Variants in GRM8 observed in about 807,000 individuals in gnomAD.
GRM8 encodes the protein metabotropic glutamate receptor 8.
A neutral mutation model predicts 87.2 loss-of-function variants in GRM8; 47 were observed. The observed-to-expected ratio is 0.54, with a 90% CI of 0.43 to 0.69. The LOEUF (loss-of-function observed/expected upper bound fraction) is 0.69. Ranked by LOEUF, GRM8 falls within the 30% of genes least tolerant of loss-of-function variation. GRM8 has a pLI of 0.00. For missense variants in GRM8, 1,019 were observed against 1,139.2 expected (o/e 0.89, Z 1.52); for synonymous variants, 396 against 404.5 (o/e 0.98, Z 0.25).
At chr7:126,897,323 C>T (rs192226934) in intron 6 of GRM8, among the ~76,000 whole-genome samples, 30 of 152,186 alleles carry the variant, frequency 2.0e-4, no homozygotes, top group Middle Eastern at 3.4e-3. Flanking sequence ...TGAAGAAAGA[C>T]TCTACTGCCA....
chr7:127,091,661 A>C (rs1586974122), intron 3 of GRM8, among the ~76,000 whole-genome samples: 1 of 37,060 alleles, frequency 2.7e-5, no homozygotes, highest in Admixed American at 3.7e-4. Flanking sequence ...CCACCCCACC[A>C]TCCCACTGAT....
rs552969033 is a variant in GRM8, at chr7:127,132,013, G to A, written c.511-25301C>T. On this transcript the variant is annotated intron_variant, in intron 2 of 10. Transcript: ENST00000339582. ...AAAACATGTCATTTATTTTGAATTC[G>A]GCAGTCTTAAGGAAAAAAATAATAA... Among the ~76,000 whole-genome samples, 29 of 151,972 alleles carry A rather than the reference G, an allele frequency of 1.9e-4. No homozygotes were observed. In the South Asian group the frequency reaches 4.2e-3, roughly 22 times the overall value.
At chr7:127,149,396 T>A (rs563543957) in intron 2 of GRM8, among the ~76,000 whole-genome samples, 1 of 152,070 alleles carries the variant, frequency 6.6e-6, no homozygotes, top group South Asian at 2.1e-4. Context: ...ATGGTTATTA[T>A]CAAAAAGTCA....
At position 127,133,777 on chromosome 7, in the gene GRM8, G is replaced by GTT. The variant is rs201137308; in HGVS notation, c.511-27067_511-27066dup. ...ACTGGCATTTTTTCACCCTTCTTGG[G>GTT]TTTTTTTCTTTCTTAATTCTCTATA... On this transcript the variant is annotated intron_variant, in intron 2 of 10. Transcript: ENST00000339582. Among the ~76,000 whole-genome samples the GTT allele has an allele frequency of 4.4e-3, 665 of 151,492 alleles. 10 individuals carry two copies. The highest frequency in any genetic ancestry group is 0.015 in the African/African-American group (631 of 41,344).
intron 6 of GRM8, among the ~76,000 whole-genome samples, chr7:126,779,877 G>C (rs570113911): frequency 6.6e-6 from 1 of 152,236 alleles, no homozygotes; most frequent in African/African-American, 2.4e-5. Flanking sequence ...TTTGAGACCA[G>C]ATTAAGATTT....
Position 126,719,900 on chromosome 7 carries a change from T to C in GRM8, c.1357+49965A>G, listed in dbSNP as rs573716193. On this transcript the variant is annotated intron_variant, in intron 7 of 10. Transcript: ENST00000339582. ...GGTATTTACTGATTTCTATAGCAAG[T>C]TCTATATTTTTTCTTTTCCCTTACT... 8.6e-5 allele frequency among the ~76,000 whole-genome samples: 13 copies of C among 151,818 alleles called. No individual in the cohort carries two copies. The Middle Eastern group carries it at 0.01, about 119-fold the overall frequency.
intron 6 of GRM8, among the ~76,000 whole-genome samples, chr7:126,820,996 G>A (rs1365026769): frequency 6.6e-6 from 1 of 152,206 alleles, no homozygotes; most frequent in African/African-American, 2.4e-5. Flanking sequence ...AACTACCTCA[G>A]GAGGCTGAGG....
chr7:126,888,587 C>T (rs1800711410), intron 6 of GRM8, among the ~76,000 whole-genome samples: 1 of 151,952 alleles, frequency 6.6e-6, no homozygotes, highest in Non-Finnish European at 1.5e-5. Context: ...ATTCTTGAGC[C>T]CCTTTTCAGT....
At chr7:127,034,381 T>C (rs117150995) in intron 3 of GRM8, among the ~76,000 whole-genome samples, 1 of 152,256 alleles carries the variant, frequency 6.6e-6, no homozygotes, top group Non-Finnish European at 1.5e-5. Flanking sequence ...ATCAAATGAC[T>C]ACAGACAGTA....
intron 3 of GRM8, among the ~76,000 whole-genome samples, chr7:127,025,392 T>C (rs1816683117): frequency 6.6e-6 from 1 of 152,044 alleles, no homozygotes; most frequent in South Asian, 2.1e-4. Flanking sequence ...AGGAAGAGAC[T>C]CTTTATTTTC....
At chr7:126,558,986 C>G (rs535263086) in intron 8 of GRM8, among the ~76,000 whole-genome samples, 15 of 152,124 alleles carry the variant, frequency 9.9e-5, no homozygotes, top group Non-Finnish European at 1.8e-4. Context: ...AAGAGAGAGA[C>G]GGGTACTGAT....
chr7:127,232,185 G>T (rs1382109151), intron 2 of GRM8, among the ~76,000 whole-genome samples: 2 of 77,120 alleles, frequency 2.6e-5, no homozygotes, highest in Non-Finnish European at 5.9e-5. Context: ...TTTCTTCTTT[G>T]TGTGTGTGTG....
At chr7:126,596,845 G>C (rs1797248349) in intron 8 of GRM8, among the ~76,000 whole-genome samples, 1 of 152,066 alleles carries the variant, frequency 6.6e-6, no homozygotes, top group Non-Finnish European at 1.5e-5. Flanking sequence ...TTTGCAAAAT[G>C]TTATCATTGG....
chr7:126,728,741 C>T (rs1813276745), intron 7 of GRM8, among the ~76,000 whole-genome samples: 1 of 152,142 alleles, frequency 6.6e-6, no homozygotes, highest in South Asian at 2.1e-4. Context: ...CTGATCAGCT[C>T]AACAGGTGAC....
chr7:127,107,890 C>T (rs955428567), intron 2 of GRM8, among the ~76,000 whole-genome samples: 3 of 152,160 alleles, frequency 2.0e-5, no homozygotes, highest in Non-Finnish European at 2.9e-5. Flanking sequence ...AAAAGTCATC[C>T]CGGGAGCAGC....
At chr7:126,919,566 G>A (rs1804292605) in intron 3 of GRM8, among the ~76,000 whole-genome samples, 1 of 151,668 alleles carries the variant, frequency 6.6e-6, no homozygotes. Context: ...CTAGGGATCT[G>A]ATGACCAGTT....
At chr7:126,446,407 A>T (rs1802028318) in intron 9 of GRM8, 35 bp from the exon 10 acceptor site, 2 of 1,415,210 alleles carry the variant, frequency 1.4e-6, no homozygotes, top group African/African-American at 1.4e-5. Flanking sequence ...CACTGTTGGT[A>T]AGCCTAACAG....
chr7:127,045,856 G>A (rs1259122634), intron 3 of GRM8, among the ~76,000 whole-genome samples: 1 of 152,130 alleles, frequency 6.6e-6, no homozygotes, highest in Non-Finnish European at 1.5e-5. Context: ...TTTCACAATT[G>A]TCTGGCTACT....
chr7:126,739,584 A>G (rs1814702652), intron 7 of GRM8, among the ~76,000 whole-genome samples: 1 of 152,156 alleles, frequency 6.6e-6, no homozygotes, highest in African/African-American at 2.4e-5. Context: ...CAAGAGATTT[A>G]AATCACTGTT....
Sources: gnomAD v4.1 joint callset for allele counts (sites outside exome capture counted in the v4.1 genomes callset) on GRCh38, gnomAD v4.1.1 for gene constraint, MANE v1.5 for transcripts, NCBI Gene and HGNC (gene_info 2026-07-23, HGNC 2026-07-21) for gene names.